NEU1: variants seen among roughly 807,000 people sequenced by gnomAD.
NEU1 encodes the protein neuraminidase 1, also known as sialidase-1.
A neutral mutation model predicts 38.3 loss-of-function variants in NEU1; 32 were observed. The observed-to-expected ratio is 0.84, with a 90% CI of 0.63 to 1.12. The LOEUF (loss-of-function observed/expected upper bound fraction) is 1.12, where lower values mean the gene tolerates loss of function less well. NEU1 is among the 50% of genes most tolerant of loss of function. The pLI is 0.00. For synonymous variants in NEU1, 192 were observed against 225.2 expected (o/e 0.85, Z 1.32); for missense variants, 431 against 549.2 (o/e 0.78, Z 2.15).
rs1220072227 is a variant in NEU1 at position 31,859,795 on chromosome 6, A to G, written c.1172T>C (p.Val391Ala). 5.0e-6 allele frequency: 8 copies of G among 1,612,850 alleles called. No individual in the cohort carries two copies. The highest frequency in any genetic ancestry group is 4.2e-6 in the Non-Finnish European group (5 of 1,180,012). ...DGEEQAPQLYVLYEKGRNHYT... is the reference protein window; with the variant it reads ...DGEEQAPQLYALYEKGRNHYT... ...GTGGTTCCGGCCTTTCTCATACAGGACGTAGAGCTGGGGGGCCTGCTCCTC... is the reference window on the plus strand; with the variant it reads ...GTGGTTCCGGCCTTTCTCATACAGGGCGTAGAGCTGGGGGGCCTGCTCCTC... Residue 391 changes from valine (V) to alanine (A), a missense_variant, in exon 6 of 6, where the codon GTC (valine) becomes GCC (alanine). Physicochemically the swap from Val to Ala is moderately conservative, Grantham distance 64. Coordinates refer to ENST00000375631, the MANE Select transcript of NEU1 (RefSeq NM_000434.4).
Position 31,857,892 on chromosome 6 carries a change from G to A in NEU1, c.*1827C>T, listed in dbSNP as rs1385568486. On this transcript the variant is annotated 3_prime_UTR_variant, in exon 6 of 6. Coordinates refer to ENST00000375631, the MANE Select transcript of NEU1 (RefSeq NM_000434.4). ...GTGGATTTTTTTTTTTTCAGACGGA[G>A]TCTCACTCTGTTGCCGAGGCTGGTG... 3.3e-5 allele frequency: 5 copies of A among 151,792 alleles called. No homozygotes were observed. The highest frequency in any genetic ancestry group is 1.2e-4 in the African/African-American group (5 of 41,250). The allele number at this position is 151,792 out of a possible 1,614,324, so 9.4% of individuals were successfully genotyped here. A position where few individuals can be genotyped will look rare whatever the true frequency, so the allele number is the denominator to read the frequency against.
In NEU1 at chr6:31,861,467, G is replaced by A. The variant is rs764288210; in HGVS notation, c.353-17C>T. On this transcript the variant is annotated splice_polypyrimidine_tract_variant and intron_variant, in intron 2 of 5. Transcript: ENST00000375631. ...ATGTGCTGCCTGAAAAAAATTGGAG[G>A]AAGAAACCCAGAGTGAGCACTCTGC... 4 of 1,612,638 alleles carry A rather than the reference G, an allele frequency of 2.5e-6. No individual in the cohort carries two copies. Among genetic ancestry groups the A allele is most frequent in the East Asian group, 2.2e-5 (1 of 44,876 alleles).
rs1248062892 is a variant in NEU1, at chr6:31,857,725, T to C, written c.*1994A>G. 8.5e-5 allele frequency: 13 copies of C among 152,232 alleles called. No individual in the cohort carries two copies. In the East Asian group the frequency reaches 2.5e-3, roughly 29 times the overall value. The allele number at this position is 152,232 out of a possible 1,614,324, so 9.4% of individuals were successfully genotyped here. ...TTTTCATAAGCATCTGCCTGGGGAA[T>C]ATTTTCTTACATAATTTGCCATAGG... On this transcript the variant is annotated 3_prime_UTR_variant, in exon 6 of 6. Transcript: ENST00000375631.
Position 31,860,381 on chromosome 6 carries a change from G to A in NEU1, c.798+58C>T. 2 of 1,610,086 alleles carry A rather than the reference G, an allele frequency of 1.2e-6. No homozygotes were observed. Among genetic ancestry groups the A allele is most frequent in the South Asian group, 2.2e-5 (2 of 91,008 alleles). On this transcript the variant is annotated intron_variant, in intron 4 of 5. Transcript: ENST00000375631. The surrounding 1 kb of genome is among the most constrained non-coding windows in gnomAD (Gnocchi z 4.8). ...CAGACCCTGGGTCTGTGCGTGAAAT[G>A]ATGTTCTGGAGGGCAGGGAGGGTCA...
Position 31,860,560 on chromosome 6 carries a change from T to C in NEU1, c.677A>G (p.Asp226Gly). Residue 226 changes from aspartate to glycine, a missense_variant, in exon 4 of 6, where the codon GAC becomes GGC. By Grantham distance (94) the Asp-to-Gly change is moderately conservative. Coordinates refer to ENST00000375631, the MANE Select transcript of NEU1 (RefSeq NM_000434.4). This position sits in a 1 kb window ranked among gnomAD's most constrained non-coding sequence, Gnocchi z 4.8. ...IVCGHGTLER[D>G]GVFCLLSDDH... is the part of the protein sequence containing the mutation. ...ATCGCTGAGGAGACAGAAGACTCCGTCCCGCTCCAGCGTCCCATGGCCACA... is the reference window on the plus strand; with the variant it reads ...ATCGCTGAGGAGACAGAAGACTCCGCCCCGCTCCAGCGTCCCATGGCCACA... The C allele has an allele frequency of 6.2e-7, 1 of 1,613,982 alleles. No homozygotes were observed. Among genetic ancestry groups the C allele is most frequent in the Non-Finnish European group, 8.5e-7 (1 of 1,179,994 alleles).
chr6:31,861,483 A>T, intron 2 of NEU1, 33 bp from the exon 3 acceptor site: 2 of 1,612,328 alleles, frequency 1.2e-6, no homozygotes, highest in Non-Finnish European at 1.7e-6. Context: ...ACCCAGAGTG[A>T]GCACTCTGCA....
At chr6:31,861,077 G>A in intron 3 of NEU1, 111 bp downstream of exon 3, 3 of 1,517,858 alleles carry the variant, frequency 2.0e-6, no homozygotes, top group Admixed American at 1.7e-5. Flanking sequence ...TCCCACCCAA[G>A]CCAGAAAATC....
intron 2 of NEU1, 112 bp from the exon 3 acceptor site, chr6:31,861,562 C>T: frequency 2.2e-6 from 3 of 1,373,628 alleles, no homozygotes; most frequent in Admixed American, 1.8e-5. Flanking sequence ...TCCGATGGTC[C>T]CAGGGTGCAA....
At position 31,862,184 on chromosome 6, in the gene NEU1, G is replaced by T; in HGVS notation, c.167C>A (p.Pro56Gln). The change falls in exon 2 of 6, where the codon CCG becomes CAG. Residue 56 changes from proline to glutamine, a missense_variant. By Grantham distance (76) the Pro-to-Gln change is moderately conservative (BLOSUM62 -1). Coordinates refer to ENST00000375631, the MANE Select transcript of NEU1 (RefSeq NM_000434.4). This position sits in a 1 kb window ranked among gnomAD's most constrained non-coding sequence, Gnocchi z 6.3. Reference protein sequence around the residue: ...KAENDFGLVQPLVTMEQLLWV... With the variant: ...KAENDFGLVQQLVTMEQLLWV... ...CAGCAGTTGCTCCATGGTCACCAGC[G>T]GCTGCACCTGTCATGGGAGGAGGAA... The T allele has an allele frequency of 1.2e-6, 2 of 1,612,788 alleles. No individual in the cohort carries two copies. Among genetic ancestry groups the T allele is most frequent in the Non-Finnish European group, 1.7e-6 (2 of 1,179,942 alleles).
chr6:31,861,311 G>GCAGC lies in NEU1; in HGVS notation c.488_491dup (p.Cys164TrpfsTer15). 1 of 1,612,994 alleles carries GCAGC rather than the reference G, an allele frequency of 6.2e-7. No homozygotes were observed. The highest frequency in any genetic ancestry group is 8.5e-7 in the Non-Finnish European group (1 of 1,180,022). On this transcript the variant is annotated frameshift_variant, in exon 3 of 6. Transcript: ENST00000375631. LOFTEE classifies it high-confidence loss of function. ...ATACCAACATGGTAGAGGCCACCTGGCAGCCGGCCTTGTGAGCACAAAGGG... is the reference window on the plus strand; with the variant it reads ...ATACCAACATGGTAGAGGCCACCTGGCAGCCAGCCGGCCTTGTGAGCACAAAGGG...
rs916196497 is a variant in NEU1, at chr6:31,862,368, G to A, written c.160-177C>T. Among the ~76,000 whole-genome samples, 2 of 152,170 alleles carry A rather than the reference G, an allele frequency of 1.3e-5. No individual in the cohort carries two copies. The highest frequency in any genetic ancestry group is 1.3e-4 in the Admixed American group (2 of 15,278). ...AGCGAAGCTGGAGGCTCGGAGCAGG[G>A]GAGGGTCTACGAAAGGAGAAGGCGC... On this transcript the variant is annotated intron_variant, in intron 1 of 5. Transcript: ENST00000375631. The surrounding 1 kb of genome is among the most constrained non-coding windows in gnomAD (Gnocchi z 6.3).
rs2151545007 is a variant in NEU1, at chr6:31,860,800, T to G, written c.616-179A>C. The G allele has an allele frequency of 1.4e-6, 1 of 723,012 alleles. No homozygotes were observed. Among genetic ancestry groups the G allele is most frequent in the Non-Finnish European group, 2.4e-6 (1 of 421,410 alleles). 44.8% of individuals were successfully genotyped at this position (723,012 alleles called of 1,614,324 possible). ...ACACCCTGTTTGAATTAAGAAGCTC[T>G]CCCAGGGTGTACAGCTGGACATGTG... On this transcript the variant is annotated intron_variant, in intron 3 of 5. Coordinates refer to ENST00000375631, the MANE Select transcript of NEU1 (RefSeq NM_000434.4). The surrounding 1 kb of genome is among the most constrained non-coding windows in gnomAD (Gnocchi z 4.8).
chr6:31,861,590 C>A, intron 2 of NEU1, 140 bp from the exon 3 acceptor site: 1 of 970,052 alleles, frequency 1.0e-6, no homozygotes, highest in South Asian at 1.4e-5. Context: ...CTTGCACTAT[C>A]TATACCTCTT....
rs1490118715 is a variant in NEU1, at chr6:31,860,583, A to G, written c.654T>C (p.Cys218=). Residue 218 remains cysteine, a synonymous_variant, in exon 4 of 6, where the codon TGT becomes TGC. Transcript: ENST00000375631. This position sits in a 1 kb window ranked among gnomAD's most constrained non-coding sequence, Gnocchi z 4.8. The stretch of plus-strand genomic sequence containing the variant: ...CGTCCCGCTCCAGCGTCCCATGGCC[A>G]CACACGATGAGGCGGCCCTTCCGTG... ...REPRKGRLIV[C]GHGTLERDGV... 6.2e-7 allele frequency: 1 copy of G among 1,614,052 alleles called. No homozygotes were observed. Among genetic ancestry groups the G allele is most frequent in the Non-Finnish European group, 8.5e-7 (1 of 1,180,026 alleles).
At position 31,862,794 on chromosome 6, in the gene NEU1, G is replaced by T; in HGVS notation, c.-18C>A. The T allele has an allele frequency of 6.2e-7, 1 of 1,612,382 alleles. No homozygotes were observed. The highest frequency in any genetic ancestry group is 8.5e-7 in the Non-Finnish European group (1 of 1,179,804). ...CCAGTCATCTCTCCCCGCAGCTGCC[G>T]CGACCCTGGCAGCTAGACTCCACAG... On this transcript the variant is annotated 5_prime_UTR_variant, in exon 1 of 6. Transcript: ENST00000375631. The surrounding 1 kb of genome is among the most constrained non-coding windows in gnomAD (Gnocchi z 6.3).
rs1762378506 is a variant in NEU1 at position 31,858,431 on chromosome 6, G to A, written c.*1288C>T. 1 of 151,890 alleles carries A rather than the reference G, an allele frequency of 6.6e-6. No individual in the cohort carries two copies. The highest frequency in any genetic ancestry group is 2.4e-5 in the African/African-American group (1 of 41,338). The allele number at this position is 151,890 out of a possible 1,614,324, so 9.4% of individuals were successfully genotyped here. Reference sequence around the variant, plus strand: ...TTGAGACCAGCCTGGCCAACATGGTGAAACTCCGTCTCTACTAAAAATACA... The same window carrying A: ...TTGAGACCAGCCTGGCCAACATGGTAAAACTCCGTCTCTACTAAAAATACA... On this transcript the variant is annotated 3_prime_UTR_variant, in exon 6 of 6. Transcript: ENST00000375631.
rs370734428 is a variant in NEU1, at chr6:31,860,020, A to T, written c.1021+22T>A. The stretch of plus-strand genomic sequence containing the variant: ...TCTAGACACAGGGCTCTCCCTGCTG[A>T]CCCCACCCATGAGGCACTCACGGAA... On this transcript the variant is annotated intron_variant, in intron 5 of 5. Coordinates refer to ENST00000375631, the MANE Select transcript of NEU1 (RefSeq NM_000434.4). This position sits in a 1 kb window ranked among gnomAD's most constrained non-coding sequence, Gnocchi z 4.8. 1.4e-5 allele frequency: 23 copies of T among 1,612,608 alleles called. No individual in the cohort carries two copies. Among genetic ancestry groups the T allele is most frequent in the Non-Finnish European group, 1.9e-5 (23 of 1,179,872 alleles).
At position 31,862,686 on chromosome 6, in the gene NEU1, A is replaced by G. The variant is rs1189102274; in HGVS notation, c.91T>C (p.Phe31Leu). Reference sequence around the variant, plus strand: ...GACAGCAGCAGGAAGATCGCGGCAAACACCCAAACCCTACAGCCTCCCCAG... The same window carrying G: ...GACAGCAGCAGGAAGATCGCGGCAAGCACCCAAACCCTACAGCCTCCCCAG... ...GFWGGCRVWV[F>L]AAIFLLLSLA... is the part of the protein sequence containing the mutation. Residue 31 changes from phenylalanine to leucine, a missense_variant, in exon 1 of 6, where the codon TTT becomes CTT. Phe to Leu is a conservative substitution (Grantham distance 22). Coordinates refer to ENST00000375631, the MANE Select transcript of NEU1 (RefSeq NM_000434.4). This position sits in a 1 kb window ranked among gnomAD's most constrained non-coding sequence, Gnocchi z 6.3. 6.2e-7 allele frequency: 1 copy of G among 1,612,976 alleles called. No homozygotes were observed. The highest frequency in any genetic ancestry group is 8.5e-7 in the Non-Finnish European group (1 of 1,180,006).
rs1298791989 is a variant in NEU1, at chr6:31,862,298, G to C, written c.160-107C>G. The C allele has an allele frequency of 5.7e-6, 7 of 1,230,404 alleles. No homozygotes were observed. Among genetic ancestry groups the C allele is most frequent in the Non-Finnish European group, 8.2e-6 (7 of 854,092 alleles). The allele number at this position is 1,230,404 out of a possible 1,614,324, so 76.2% of individuals were successfully genotyped here. ...GATCTAATGGGGATCCCGAGTAGGG[G>C]ATGGGGTCCCAGAACAAGAAAGAGG... On this transcript the variant is annotated intron_variant, in intron 1 of 5. Coordinates refer to ENST00000375631, the MANE Select transcript of NEU1 (RefSeq NM_000434.4). This position sits in a 1 kb window ranked among gnomAD's most constrained non-coding sequence, Gnocchi z 6.3.
Sources: allele counts gnomAD v4.1 joint callset (sites outside exome capture counted in the v4.1 genomes callset), GRCh38; gene constraint gnomAD v4.1.1; non-coding constraint Gnocchi (gnomAD v3.1); transcripts MANE v1.5; gene names NCBI Gene and HGNC (gene_info 2026-07-23, HGNC 2026-07-21).